The following GPC6 variants were observed in gnomAD, a reference collection of about 807,000 sequenced individuals.
GPC6 encodes the protein glypican-6.
Under a neutral mutation model 55.2 loss-of-function variants are expected in GPC6, and 14 were observed. The observed-to-expected ratio is 0.25, with a 90% CI of 0.17 to 0.40. The LOEUF is 0.40. Among genes scored for constraint, GPC6 ranks in the 10% least tolerant of loss-of-function variants. The probability of loss-of-function intolerance (pLI) is 1.00; values close to 1 mark genes in which losing one functional copy is unlikely to be tolerated. For synonymous variants in GPC6, 278 were observed against 259.6 expected (o/e 1.07, Z -0.68); for missense variants, 641 against 708.5 (o/e 0.90, Z 1.08).
At chr13:93,971,728 C>T (rs1020645403) in intron 3 of GPC6, among the ~76,000 whole-genome samples, 3 of 152,140 alleles carry the variant, frequency 2.0e-5, no homozygotes, top group African/African-American at 7.2e-5. Flanking sequence ...TTGGCTTTTC[C>T]TCAGCAAGCT....
rs1403471776 is a variant in GPC6, at chr13:93,426,387, TC to T, written c.161-118870del. On this transcript the variant is annotated intron_variant, in intron 1 of 8. Coordinates refer to ENST00000377047, the MANE Select transcript of GPC6 (RefSeq NM_005708.5). The stretch of plus-strand genomic sequence containing the variant: ...ATCTCCTAAAGCTATCCCTTCCCCC[TC>T]CCCCCACCCCACAACAGTCCCCAGA... Among the ~76,000 whole-genome samples, 350 of 108,902 alleles carry T rather than the reference TC, an allele frequency of 3.2e-3. 4 individuals carry two copies. The highest frequency in any genetic ancestry group is 0.027 in the Middle Eastern group (6 of 220). The allele number at this position is 108,902 out of a possible 152,430, so 71.4% of individuals were successfully genotyped here.
chr13:94,272,200 A>G (rs562820340), intron 4 of GPC6, among the ~76,000 whole-genome samples: 1 of 152,174 alleles, frequency 6.6e-6, no homozygotes, highest in East Asian at 1.9e-4. Context: ...ATTCCACAAC[A>G]CACCCGACTT....
intron 8 of GPC6, among the ~76,000 whole-genome samples, chr13:94,401,951 TAGATA>T (rs1566762528): frequency 1.5e-4 from 22 of 151,438 alleles, no homozygotes; most frequent in East Asian, 1.2e-3. Flanking sequence ...GATTGATAGA[TAGATA>T]GATAGATAGA....
chr13:93,384,396 T>TTTA (rs1555295728), intron 1 of GPC6, among the ~76,000 whole-genome samples: 1 of 150,420 alleles, frequency 6.6e-6, no homozygotes, highest in East Asian at 1.9e-4. Flanking sequence ...TTTTTTTTTT[T>TTTA]AAAAAAAAGG....
chr13:94,245,588 AT>A (rs1362039978), intron 4 of GPC6, among the ~76,000 whole-genome samples: 3 of 152,150 alleles, frequency 2.0e-5, no homozygotes, highest in African/African-American at 4.8e-5. Flanking sequence ...AAATAAAAAA[AT>A]AAAAAGTGAG....
chr13:94,032,323 C>A (rs1159042916), intron 4 of GPC6, among the ~76,000 whole-genome samples: 1 of 152,124 alleles, frequency 6.6e-6, no homozygotes, highest in Non-Finnish European at 1.5e-5. Context: ...GGGTGCTAAG[C>A]CTTTACTCAG....
At chr13:93,835,795 G>T (rs138364658) in intron 3 of GPC6, among the ~76,000 whole-genome samples, 21 of 152,204 alleles carry the variant, frequency 1.4e-4, no homozygotes, top group African/African-American at 5.1e-4. Context: ...TTTAAGAAGT[G>T]ACCTCTATGA....
At chr13:93,665,782 T>A (rs757695517) in intron 2 of GPC6, among the ~76,000 whole-genome samples, 1 of 152,278 alleles carries the variant, frequency 6.6e-6, no homozygotes, top group African/African-American at 2.4e-5. Context: ...GTGATTTAAA[T>A]CTTGTCATGT....
intron 4 of GPC6, among the ~76,000 whole-genome samples, chr13:94,135,540 C>A (rs1255968407): frequency 6.6e-6 from 1 of 152,158 alleles, no homozygotes; most frequent in Non-Finnish European, 1.5e-5. Flanking sequence ...AGTGCTAGAA[C>A]CTGCAGGGGA....
At chr13:93,674,661 G>A (rs78835414) in intron 2 of GPC6, among the ~76,000 whole-genome samples, 153 of 152,158 alleles carry the variant, frequency 1.0e-3, no homozygotes, top group African/African-American at 3.6e-3. Flanking sequence ...TTCTATTATC[G>A]ACAGAATGAG....
chr13:94,156,653 G>A (rs1032723375), intron 4 of GPC6, among the ~76,000 whole-genome samples: 2 of 152,134 alleles, frequency 1.3e-5, no homozygotes, highest in African/African-American at 4.8e-5. Context: ...ATTTGCCCCA[G>A]GACAAATCAG....
At chr13:93,510,735 C>A (rs1880923559) in intron 1 of GPC6, among the ~76,000 whole-genome samples, 1 of 151,320 alleles carries the variant, frequency 6.6e-6, no homozygotes, top group South Asian at 2.1e-4. Flanking sequence ...AATCTCCACA[C>A]TGTTTTCTAC....
chr13:94,374,585 G>A (rs1594218093), intron 6 of GPC6, among the ~76,000 whole-genome samples: 1 of 146,264 alleles, frequency 6.8e-6, no homozygotes, highest in Non-Finnish European at 1.5e-5. Context: ...CCTACAAAGA[G>A]ACTTAGACTC....
rs139390918 is a variant in GPC6 at position 94,054,743 on chromosome 13, G to A, written c.877+26849G>A. ...TTATTTGTTTGCACTTTATAAGGAT[G>A]CATTTACCAAGTGGGTTAGGAGACC... On this transcript the variant is annotated intron_variant, in intron 4 of 8. Transcript: ENST00000377047. 7.7e-4 allele frequency among the ~76,000 whole-genome samples: 117 copies of A among 152,280 alleles called. No individual in the cohort carries two copies. In the East Asian group the frequency reaches 0.017, roughly 22 times the overall value.
chr13:93,838,484 G>A (rs1046186275), intron 3 of GPC6, among the ~76,000 whole-genome samples: 11 of 152,164 alleles, frequency 7.2e-5, no homozygotes, highest in East Asian at 1.9e-4. Context: ...AAATGAGGCC[G>A]GGAAGTAGAT....
At position 93,307,321 on chromosome 13, in the gene GPC6, A is replaced by G. The variant is rs150592816; in HGVS notation, c.160+79705A>G. ...TCATGTACTCTTATTGTTATTTCACATGTATATATTAATATATCATTATCT... is the reference window on the plus strand; with the variant it reads ...TCATGTACTCTTATTGTTATTTCACGTGTATATATTAATATATCATTATCT... On this transcript the variant is annotated intron_variant, in intron 1 of 8. Coordinates refer to ENST00000377047, the MANE Select transcript of GPC6 (RefSeq NM_005708.5). Among the ~76,000 whole-genome samples the G allele has an allele frequency of 1.6e-3, 241 of 152,258 alleles. 1 individual carries two copies. The highest frequency in any genetic ancestry group is 0.013 in the East Asian group (66 of 5,172).
At chr13:94,012,953 T>C (rs1197852869) in intron 3 of GPC6, among the ~76,000 whole-genome samples, 1 of 152,208 alleles carries the variant, frequency 6.6e-6, no homozygotes, top group East Asian at 1.9e-4. Flanking sequence ...AGACAACTAT[T>C]TCCTGATGAG....
chr13:93,390,023 G>A (rs1020491717), intron 1 of GPC6, among the ~76,000 whole-genome samples: 2 of 146,774 alleles, frequency 1.4e-5, no homozygotes, highest in Admixed American at 1.4e-4. Context: ...AGAGAGACAG[G>A]CATTTTTTTT....
At position 94,038,636 on chromosome 13, in the gene GPC6, C is replaced by T. The variant is rs140989896; in HGVS notation, c.877+10742C>T. Among the ~76,000 whole-genome samples the T allele has an allele frequency of 6.0e-3, 916 of 151,988 alleles. 8 individuals carry two copies. The highest frequency in any genetic ancestry group is 7.0e-3 in the South Asian group (34 of 4,824). Reference sequence around the variant, plus strand: ...CATCCAGCAACTGGAGATAATAGTACGTACCTCTTAGCATTGTGAGGATTA... The same window carrying T: ...CATCCAGCAACTGGAGATAATAGTATGTACCTCTTAGCATTGTGAGGATTA... On this transcript the variant is annotated intron_variant, in intron 4 of 8. Coordinates refer to ENST00000377047, the MANE Select transcript of GPC6 (RefSeq NM_005708.5).
Sources: gnomAD v4.1 joint callset for allele counts (sites outside exome capture counted in the v4.1 genomes callset) on GRCh38, gnomAD v4.1.1 for gene constraint, MANE v1.5 for transcripts, NCBI Gene and HGNC (gene_info 2026-07-23, HGNC 2026-07-21) for gene names.